TBC1D22A: variants seen among roughly 807,000 people sequenced by gnomAD.
TBC1D22A encodes the protein TBC1 domain family member 22A.
TBC1D22A carries 38 observed loss-of-function variants against 60.2 expected under a neutral mutation model. That is an observed-to-expected ratio of 0.63 (90% CI 0.49 to 0.83). TBC1D22A has a LOEUF of 0.83. Among genes scored for constraint, TBC1D22A ranks in the 40% least tolerant of loss-of-function variants. TBC1D22A has a pLI of 0.00. For missense variants in TBC1D22A, 628 were observed against 701.0 expected (o/e 0.90, Z 1.18); for synonymous variants, 302 against 281.7 (o/e 1.07, Z -0.72).
chr22:47,162,903 G>A (rs1296705773), intron 12 of TBC1D22A, among the ~76,000 whole-genome samples: 1 of 152,168 alleles, frequency 6.6e-6, no homozygotes, highest in African/African-American at 2.4e-5. Flanking sequence ...CCCTCGAGCA[G>A]GATTTAAAGC....
At chr22:47,090,927 A>G (rs8138085) in intron 11 of TBC1D22A, among the ~76,000 whole-genome samples, 38,021 of 63,824 alleles carry the variant, frequency 0.6, 8,898 homozygotes, top group African/African-American at 0.67. Context: ...GTGTGGCCTC[A>G]CGGAGGGGGT....
intron 7 of TBC1D22A, 38 bp downstream of exon 7, chr22:46,894,884 G>A (rs1409214339): frequency 1.2e-6 from 2 of 1,611,726 alleles, no homozygotes; most frequent in African/African-American, 2.7e-5. Flanking sequence ...CCCTCGTTGG[G>A]AGTGGCTGAT....
At chr22:47,057,518 A>G (rs576050816) in intron 11 of TBC1D22A, among the ~76,000 whole-genome samples, 9 of 152,338 alleles carry the variant, frequency 5.9e-5, no homozygotes, top group African/African-American at 2.2e-4. Flanking sequence ...TGACACTGCT[A>G]ATAAAGACAT....
chr22:47,121,252 G>T (rs1243958633), intron 12 of TBC1D22A, among the ~76,000 whole-genome samples: 1 of 152,234 alleles, frequency 6.6e-6, no homozygotes, highest in Non-Finnish European at 1.5e-5. Flanking sequence ...TGAAGTTGGC[G>T]TAAAGCAGGC....
chr22:46,991,771 T>C (rs1163241390), intron 9 of TBC1D22A, among the ~76,000 whole-genome samples: 1 of 152,194 alleles, frequency 6.6e-6, no homozygotes, highest in African/African-American at 2.4e-5. Context: ...CGACGTGGCC[T>C]TCCAGCCTCG....
At chr22:46,921,805 G>A (rs2070776409) in intron 8 of TBC1D22A, among the ~76,000 whole-genome samples, 2 of 151,638 alleles carry the variant, frequency 1.3e-5, no homozygotes, top group Admixed American at 6.6e-5. Flanking sequence ...GTGATGGTAT[G>A]CAAATATGGT....
intron 9 of TBC1D22A, among the ~76,000 whole-genome samples, chr22:46,985,231 T>G (rs553960058): frequency 2.8e-4 from 42 of 152,294 alleles, no homozygotes; most frequent in Non-Finnish European, 4.7e-4. Flanking sequence ...AGTCTTCACC[T>G]GGACGGGGCA....
intron 8 of TBC1D22A, 28 bp downstream of exon 8, chr22:46,912,216 G>C: frequency 6.6e-7 from 1 of 1,518,646 alleles, no homozygotes; most frequent in Non-Finnish European, 9.1e-7. Flanking sequence ...CATTAAACGT[G>C]AACTTTAGTG....
At chr22:47,022,332 G>A (rs1362576203) in intron 10 of TBC1D22A, among the ~76,000 whole-genome samples, 1 of 152,196 alleles carries the variant, frequency 6.6e-6, no homozygotes, top group Admixed American at 6.5e-5. Flanking sequence ...ATCCCTGGGA[G>A]GGAGGAAAAG....
rs2084350166 is a variant in TBC1D22A, at chr22:46,790,252, A to G, written c.63-2268A>G. Among the ~76,000 whole-genome samples the G allele has an allele frequency of 2.0e-5, 3 of 152,236 alleles. No individual in the cohort carries two copies. The South Asian group carries it at 6.2e-4, about 32-fold the overall frequency. Reference sequence around the variant, plus strand: ...GGCATACAGCCCCCTTTCTCCACGTACAGAGTCAGCCATGTTGCATTTGTG... The same window carrying G: ...GGCATACAGCCCCCTTTCTCCACGTGCAGAGTCAGCCATGTTGCATTTGTG... On this transcript the variant is annotated intron_variant, in intron 1 of 12. Transcript: ENST00000337137.
intron 4 of TBC1D22A, among the ~76,000 whole-genome samples, chr22:46,863,412 C>T (rs1472188717): frequency 3.9e-5 from 6 of 152,136 alleles, no homozygotes; most frequent in African/African-American, 1.4e-4. Context: ...ATAGGTGGTG[C>T]ATACTAATTC....
chr22:47,173,415 A>G lies in TBC1D22A; in HGVS notation c.1426-83A>G, dbSNP rs1175045357. 2 of 1,532,734 alleles carry G rather than the reference A, an allele frequency of 1.3e-6. 1 individual carries two copies. The allele number at this position is 1,532,734 out of a possible 1,614,324, so 94.9% of individuals were successfully genotyped here. On this transcript the variant is annotated intron_variant, in intron 12 of 12. Coordinates refer to ENST00000337137, the MANE Select transcript of TBC1D22A (RefSeq NM_014346.5). ...GTCACCTCCTCTGACCTGGGCTTGT[A>G]TCTTTCCCTCCAGTTTTCTGGGGTC...
rs561440612 is a variant in TBC1D22A at position 47,019,180 on chromosome 22, G to A, written c.1202-17891G>A. Reference sequence around the variant, plus strand: ...TGTTCACTTTCCGAGTGGCCTCCCAGTGCGCTGGGTGGAGCGGGCAGCACC... The same window carrying A: ...TGTTCACTTTCCGAGTGGCCTCCCAATGCGCTGGGTGGAGCGGGCAGCACC... On this transcript the variant is annotated intron_variant, in intron 10 of 12. Transcript: ENST00000337137. 2.0e-3 allele frequency among the ~76,000 whole-genome samples: 304 copies of A among 152,354 alleles called. 2 individuals carry two copies. Among genetic ancestry groups the A allele is most frequent in the East Asian group, 5.8e-4 (3 of 5,174 alleles).
chr22:47,129,669 C>T (rs2066613045), intron 12 of TBC1D22A, among the ~76,000 whole-genome samples: 1 of 152,164 alleles, frequency 6.6e-6, no homozygotes, highest in Admixed American at 6.5e-5. Context: ...AGGGGCAGGC[C>T]TGGGGCTGTT....
chr22:46,869,013 G>A (rs752074076), intron 4 of TBC1D22A, among the ~76,000 whole-genome samples: 8 of 152,192 alleles, frequency 5.3e-5, no homozygotes, highest in Admixed American at 2.0e-4. Context: ...TGGCCGCTCC[G>A]TGTTGGCGTC....
intron 10 of TBC1D22A, among the ~76,000 whole-genome samples, chr22:47,024,409 T>C (rs1419197793): frequency 1.3e-5 from 2 of 152,168 alleles, no homozygotes; most frequent in South Asian, 2.1e-4. Flanking sequence ...GACACTTTAA[T>C]TAAAAGGCAG....
intron 8 of TBC1D22A, among the ~76,000 whole-genome samples, chr22:46,951,162 TTC>T (rs2072880999): frequency 6.6e-6 from 1 of 152,216 alleles, no homozygotes; most frequent in Non-Finnish European, 1.5e-5. Flanking sequence ...GCAGCTTTTC[TTC>T]TCTCTGGGAG....
At chr22:47,165,452 A>G (rs999138012) in intron 12 of TBC1D22A, among the ~76,000 whole-genome samples, 36 of 152,034 alleles carry the variant, frequency 2.4e-4, no homozygotes, top group Admixed American at 4.6e-4. Context: ...CGCCATCGCC[A>G]TCTCATAGAC....
At chr22:46,905,879 T>C (rs1409646480) in intron 7 of TBC1D22A, among the ~76,000 whole-genome samples, 2 of 152,220 alleles carry the variant, frequency 1.3e-5, no homozygotes, top group African/African-American at 4.8e-5. Context: ...TTTCCATTAT[T>C]GTAGGTGTTG....
Sources: gnomAD v4.1 joint callset for allele counts (sites outside exome capture counted in the v4.1 genomes callset) on GRCh38, gnomAD v4.1.1 for gene constraint, MANE v1.5 for transcripts, NCBI Gene and HGNC (gene_info 2026-07-23, HGNC 2026-07-21) for gene names.